The following ZBTB17 variants were observed in gnomAD, a reference collection of about 807,000 sequenced individuals.
ZBTB17 encodes the protein zinc finger and BTB domain-containing protein 17.
In ZBTB17, 24 loss-of-function variants were observed where a neutral mutation model predicts 85.1. That is an observed-to-expected ratio of 0.28 (90% CI 0.20 to 0.40). The LOEUF (loss-of-function observed/expected upper bound fraction) is 0.40, where lower values mean the gene tolerates loss of function less well. ZBTB17 is among the 10% of genes least tolerant of loss of function. The pLI, the probability that ZBTB17 is intolerant of heterozygous loss-of-function variation, is 1.00. For synonymous variants in ZBTB17, 464 were observed against 460.2 expected (o/e 1.01, Z -0.11); for missense variants, 743 against 1,105.1 (o/e 0.67, Z 4.65).
rs1293338542 is a variant in ZBTB17 at position 15,942,371 on chromosome 1, C to T, written c.2088G>A (p.Lys696=). The part of the protein sequence containing the change: ...AVTADETEVL[K]AEISKAVKQV... The stretch of plus-strand genomic sequence containing the variant: ...GCTTCACAGCTTTGCTGATCTCGGC[C>T]TTCAGGACTTCCGTCTCATCGGCTG... Residue 696 remains lysine, a synonymous_variant, in exon 15 of 16, where the codon AAG becomes AAA. Transcript: ENST00000375743. 8.1e-6 allele frequency: 13 copies of T among 1,613,930 alleles called. No individual in the cohort carries two copies. Among genetic ancestry groups the T allele is most frequent in the Non-Finnish European group, 1.1e-5 (13 of 1,180,042 alleles).
chr1:15,942,272 G>C lies in ZBTB17; in HGVS notation c.2129-20C>G, dbSNP rs906723147. On this transcript the variant is annotated intron_variant, in intron 15 of 15. Transcript: ENST00000375743. Reference sequence around the variant, plus strand: ...TGGGGTCTGTGGAGGTGGGGCAGCAGTCAGAGTGGGAAGGACCCCGGGCTC... The same window carrying C: ...TGGGGTCTGTGGAGGTGGGGCAGCACTCAGAGTGGGAAGGACCCCGGGCTC... 6.2e-7 allele frequency: 1 copy of C among 1,613,272 alleles called. No individual in the cohort carries two copies.
chr1:15,963,599 G>A (rs2072334435), intron 2 of ZBTB17, among the ~76,000 whole-genome samples: 1 of 152,130 alleles, frequency 6.6e-6, no homozygotes, highest in South Asian at 2.1e-4. Flanking sequence ...GCTGAACAGA[G>A]GAGGGAAAAA....
intron 6 of ZBTB17, 79 bp from the exon 7 acceptor site, chr1:15,945,281 AG>A: frequency 2.6e-6 from 4 of 1,512,446 alleles, no homozygotes; most frequent in Non-Finnish European, 3.5e-6. Context: ...AACATGTGGA[AG>A]GGACAGTAAA....
At chr1:15,950,819 G>T (rs927169307) in intron 2 of ZBTB17, among the ~76,000 whole-genome samples, 1 of 152,198 alleles carries the variant, frequency 6.6e-6, no homozygotes, top group Non-Finnish European at 1.5e-5. Flanking sequence ...GGAGGGACAG[G>T]ATCAATCCCC....
rs551732725 is a variant in ZBTB17 at position 15,972,146 on chromosome 1, T to G, written c.-3+893A>C. 3.9e-5 allele frequency among the ~76,000 whole-genome samples: 6 copies of G among 152,330 alleles called. No homozygotes were observed. In the South Asian group the frequency reaches 1.2e-3, roughly 32 times the overall value. ...CAGCCCTCCAAGGTATTTCCTGCAT[T>G]GCATTGTGAGGATACACATGGCTGG... On this transcript the variant is annotated intron_variant, in intron 2 of 15. Coordinates refer to ENST00000375743, the MANE Select transcript of ZBTB17 (RefSeq NM_003443.3).
chr1:15,944,037 G>T, intron 9 of ZBTB17, 142 bp from the exon 10 acceptor site: 2 of 976,316 alleles, frequency 2.0e-6, no homozygotes, highest in South Asian at 2.8e-5. Flanking sequence ...GTCAGGAGAG[G>T]TCCCAGGTCC....
Position 15,943,915 on chromosome 1 carries a change from A to AG in ZBTB17, c.1372-21dup, listed in dbSNP as rs773074248. ...CCCTACCTGTGCCCAGGGAGGGGTCAGGGGGGCCACCCCACAGAGCTCGGC... is the reference window on the plus strand; with the variant it reads ...CCCTACCTGTGCCCAGGGAGGGGTCAGGGGGGGCCACCCCACAGAGCTCGGC... On this transcript the variant is annotated intron_variant, in intron 9 of 15. Coordinates refer to ENST00000375743, the MANE Select transcript of ZBTB17 (RefSeq NM_003443.3). 6 of 1,575,854 alleles carry AG rather than the reference A, an allele frequency of 3.8e-6. No homozygotes were observed. The South Asian group carries it at 4.6e-5, about 12-fold the overall frequency.
intron 2 of ZBTB17, among the ~76,000 whole-genome samples, chr1:15,972,001 T>A (rs2072705689): frequency 6.6e-6 from 1 of 152,076 alleles, no homozygotes; most frequent in Non-Finnish European, 1.5e-5. Context: ...TAGCTGCCTC[T>A]ACCTGTCCAA....
intron 4 of ZBTB17, 94 bp downstream of exon 4, chr1:15,946,841 T>C: frequency 7.0e-7 from 1 of 1,432,076 alleles, no homozygotes; most frequent in Non-Finnish European, 9.4e-7. Flanking sequence ...CAGGGCCAGA[T>C]GAGGAAACTG....
chr1:15,969,470 G>T (rs918403273), intron 2 of ZBTB17, among the ~76,000 whole-genome samples: 2 of 152,124 alleles, frequency 1.3e-5, no homozygotes, highest in African/African-American at 4.8e-5. Flanking sequence ...GTTGGGGGCT[G>T]CGGGCCATGC....
chr1:15,944,129 C>A, intron 9 of ZBTB17, 171 bp downstream of exon 9: 1 of 1,145,750 alleles, frequency 8.7e-7, no homozygotes. Context: ...CGCAGAGCAA[C>A]CGGGAGCTCC....
At chr1:15,957,008 A>G (rs1173657968) in intron 2 of ZBTB17, among the ~76,000 whole-genome samples, 2 of 151,950 alleles carry the variant, frequency 1.3e-5, no homozygotes, top group Non-Finnish European at 2.9e-5. Flanking sequence ...GTGAAACCCC[A>G]TCTCTACTAA....
At position 15,946,924 on chromosome 1, in the gene ZBTB17, C is replaced by G; in HGVS notation, c.394+11G>C. 1.2e-6 allele frequency: 2 copies of G among 1,601,446 alleles called. No individual in the cohort carries two copies. Among genetic ancestry groups the G allele is most frequent in the Non-Finnish European group, 1.7e-6 (2 of 1,170,090 alleles). On this transcript the variant is annotated intron_variant, in intron 4 of 15. Coordinates refer to ENST00000375743, the MANE Select transcript of ZBTB17 (RefSeq NM_003443.3). ...TGGCCATCTGCTTGGGAGCAGCTGC[C>G]AATAACCTACCTTCTGTGGCCAAGG...
intron 2 of ZBTB17, among the ~76,000 whole-genome samples, chr1:15,971,739 G>A (rs912129062): frequency 1.3e-4 from 20 of 151,370 alleles, no homozygotes; most frequent in Admixed American, 9.2e-4. Flanking sequence ...TGAATTACCT[G>A]CCTGTCCTCA....
At chr1:15,969,197 G>C (rs2072551702) in intron 2 of ZBTB17, among the ~76,000 whole-genome samples, 1 of 152,198 alleles carries the variant, frequency 6.6e-6, no homozygotes, top group Non-Finnish European at 1.5e-5. Context: ...TCTAATGCCT[G>C]ATGATCTGTC....
At position 15,943,051 on chromosome 1, in the gene ZBTB17, G is replaced by A. The variant is rs768084281; in HGVS notation, c.1828+13C>T. On this transcript the variant is annotated intron_variant, in intron 13 of 15. Coordinates refer to ENST00000375743, the MANE Select transcript of ZBTB17 (RefSeq NM_003443.3). ...CCTGGGAAGGAACAGGCATGGTAGGGGCCACAGCTCACCAGTGTGAATGAT... is the reference window on the plus strand; with the variant it reads ...CCTGGGAAGGAACAGGCATGGTAGGAGCCACAGCTCACCAGTGTGAATGAT... 1.2e-6 allele frequency: 2 copies of A among 1,613,970 alleles called. No homozygotes were observed. The highest frequency in any genetic ancestry group is 2.2e-5 in the South Asian group (2 of 91,054).
chr1:15,970,693 C>T (rs1297443650), intron 2 of ZBTB17, among the ~76,000 whole-genome samples: 3 of 152,122 alleles, frequency 2.0e-5, no homozygotes, highest in African/African-American at 7.2e-5. Flanking sequence ...GGATTACAGG[C>T]GCCTGCCACT....
chr1:15,975,571 C>A (rs1405678992), intron 1 of ZBTB17, among the ~76,000 whole-genome samples: 1 of 152,226 alleles, frequency 6.6e-6, no homozygotes, highest in African/African-American at 2.4e-5. Context: ...GGCAGCCCCG[C>A]TCCCTCCCGC....
chr1:15,961,454 T>C (rs754940534), intron 2 of ZBTB17, among the ~76,000 whole-genome samples: 3 of 152,030 alleles, frequency 2.0e-5, no homozygotes, highest in Non-Finnish European at 4.4e-5. Flanking sequence ...TATTTTAGAG[T>C]AATATTTTGG....
Sources: gnomAD v4.1 joint callset for allele counts (sites outside exome capture counted in the v4.1 genomes callset) on GRCh38, gnomAD v4.1.1 for gene constraint, MANE v1.5 for transcripts, NCBI Gene and HGNC (gene_info 2026-07-23, HGNC 2026-07-21) for gene names.